Variants in RRAS2 observed in about 807,000 individuals in gnomAD.
RRAS2 encodes the protein RAS related 2, also known as ras-related protein R-Ras2.
Under a neutral mutation model 27.6 loss-of-function variants are expected in RRAS2, and 7 were observed. That is an observed-to-expected ratio of 0.25 (90% CI 0.14 to 0.48). The LOEUF (loss-of-function observed/expected upper bound fraction) is 0.48, where lower values mean the gene tolerates loss of function less well. RRAS2 is among the 20% of genes least tolerant of loss of function. The probability of loss-of-function intolerance (pLI) is 0.99; values close to 1 mark genes in which losing one functional copy is unlikely to be tolerated. For synonymous variants in RRAS2, 86 were observed against 90.9 expected, an observed-to-expected ratio of 0.95 and a Z score of 0.31; for missense variants, 178 against 256.2, an observed-to-expected ratio of 0.69 and a Z score of 2.08.
intron 4 of RRAS2, among the ~76,000 whole-genome samples, chr11:14,289,584 T>A (rs1207127800): frequency 6.6e-6 from 1 of 152,250 alleles, no homozygotes; most frequent in African/African-American, 2.4e-5. Context: ...ACCAGATGGC[T>A]GGTAATACTA....
intron 1 of RRAS2, among the ~76,000 whole-genome samples, chr11:14,337,556 C>A (rs145108461): frequency 1.3e-5 from 2 of 152,188 alleles, no homozygotes; most frequent in East Asian, 1.9e-4. Context: ...TGAGAAAGAC[C>A]GCATTCAGAT....
chr11:14,351,418 G>C (rs1554954764), intron 1 of RRAS2, among the ~76,000 whole-genome samples: 1 of 152,116 alleles, frequency 6.6e-6, no homozygotes, highest in East Asian at 1.9e-4. Flanking sequence ...AGTTAGGTTA[G>C]TATATTTTAT....
chr11:14,328,100 G>T (rs1848402973), intron 1 of RRAS2, among the ~76,000 whole-genome samples: 1 of 152,142 alleles, frequency 6.6e-6, no homozygotes, highest in African/African-American at 2.4e-5. Flanking sequence ...AGGCGCGGTG[G>T]CTCATGCCTA....
intron 1 of RRAS2, among the ~76,000 whole-genome samples, chr11:14,318,129 T>C (rs1170831562): frequency 2.0e-5 from 3 of 152,216 alleles, no homozygotes; most frequent in Non-Finnish European, 4.4e-5. Flanking sequence ...GGCTTTTCTA[T>C]GTGTAAACCC....
chr11:14,346,979 A>AC (rs1331584964), intron 1 of RRAS2, among the ~76,000 whole-genome samples: 5 of 151,992 alleles, frequency 3.3e-5, no homozygotes, highest in African/African-American at 9.7e-5. Flanking sequence ...ACAAAATGAG[A>AC]CCCCATCTCT....
At chr11:14,314,283 G>C (rs1046097982) in intron 1 of RRAS2, among the ~76,000 whole-genome samples, 1 of 152,294 alleles carries the variant, frequency 6.6e-6, no homozygotes, top group African/African-American at 2.4e-5. Context: ...CCTTATAATT[G>C]AAACATACAA....
At chr11:14,315,517 G>C (rs1214820532) in intron 1 of RRAS2, among the ~76,000 whole-genome samples, 1 of 152,202 alleles carries the variant, frequency 6.6e-6, no homozygotes, top group East Asian at 1.9e-4. Context: ...GTGTTATCTT[G>C]ATGGGATCCT....
intron 1 of RRAS2, among the ~76,000 whole-genome samples, chr11:14,356,293 GCATATGACTCCCA>G (rs1401048534): frequency 6.6e-6 from 1 of 152,068 alleles, no homozygotes; most frequent in Admixed American, 6.6e-5. Flanking sequence ...CTCCAAACTA[GCATATGACTCCCA>G]CATATGACAT....
chr11:14,308,802 C>T (rs1847888980), intron 1 of RRAS2, among the ~76,000 whole-genome samples: 1 of 152,158 alleles, frequency 6.6e-6, no homozygotes, highest in African/African-American at 2.4e-5. Context: ...TGCACACAGA[C>T]TCCCCCTTCA....
intron 1 of RRAS2, among the ~76,000 whole-genome samples, chr11:14,356,194 G>C (rs1160098965): frequency 6.6e-6 from 1 of 152,092 alleles, no homozygotes; most frequent in Non-Finnish European, 1.5e-5. Context: ...TCGGGTTCCT[G>C]TCTCTCCAAA....
In RRAS2 at chr11:14,278,004, C is replaced by G. The variant is rs1400893310; in HGVS notation, c.*1333G>C. On this transcript the variant is annotated 3_prime_UTR_variant, in exon 6 of 6. Transcript: ENST00000256196. ...ATAAACTTCATGGGACTGTTGTACA[C>G]ACTTGATAAAGTGACAACTGTGCAA... is the stretch of plus-strand genomic sequence containing the variant. 1 of 152,234 alleles carries G rather than the reference C, an allele frequency of 6.6e-6. No homozygotes were observed. Among genetic ancestry groups the G allele is most frequent in the African/African-American group, 2.4e-5 (1 of 41,462 alleles). The allele number at this position is 152,234 out of a possible 1,614,324, so 9.4% of individuals were successfully genotyped here. A position where few individuals can be genotyped will look rare whatever the true frequency, so the allele number is the denominator to read the frequency against.
chr11:14,303,540 C>T (rs532213616), intron 1 of RRAS2, among the ~76,000 whole-genome samples: 75 of 152,188 alleles, frequency 4.9e-4, no homozygotes, highest in Admixed American at 1.4e-3. Flanking sequence ...AGTTTGAGAC[C>T]GGCCTCAGCG....
chr11:14,320,881 A>T (rs1033074328), intron 1 of RRAS2, among the ~76,000 whole-genome samples: 26 of 152,142 alleles, frequency 1.7e-4, no homozygotes, highest in Non-Finnish European at 3.1e-4. Context: ...ACAACAATTT[A>T]AAAAAATGGT....
At chr11:14,319,621 G>C (rs1305967481) in intron 1 of RRAS2, among the ~76,000 whole-genome samples, 1 of 151,262 alleles carries the variant, frequency 6.6e-6, no homozygotes, top group African/African-American at 2.4e-5. Context: ...GCCTCCCAAA[G>C]TGCTGGGATT....
intron 1 of RRAS2, among the ~76,000 whole-genome samples, chr11:14,308,861 T>C (rs1270598364): frequency 6.6e-6 from 1 of 152,210 alleles, no homozygotes; most frequent in Non-Finnish European, 1.5e-5. Flanking sequence ...CAGACCTACA[T>C]ACCCCGCTTA....
intron 1 of RRAS2, among the ~76,000 whole-genome samples, chr11:14,331,327 T>G (rs184629135): frequency 5.1e-4 from 77 of 152,220 alleles, no homozygotes; most frequent in African/African-American, 1.8e-3. Context: ...ATCTAACATA[T>G]CACAGTAATG....
At chr11:14,364,394 G>C (rs554272748) in exon 1 of RRAS2, 1 of 1,535,822 alleles carries the variant, frequency 6.5e-7, no homozygotes, top group Non-Finnish European at 8.7e-7. Flanking sequence ...TACTTACCAT[G>C]GGTGATGGAG....
chr11:14,359,099 G>A lies in RRAS2; in HGVS notation c.-229C>T, dbSNP rs1197764868. On this transcript the variant is annotated 5_prime_UTR_variant, in exon 1 of 6. Coordinates refer to ENST00000256196, the MANE Select transcript of RRAS2 (RefSeq NM_012250.6). ...CGGGGTGACGGCACGGGCCAGGGGC[G>A]GCAGCGGCCGGGGGGCGCGCTCCTC... is the stretch of plus-strand genomic sequence containing the variant. 9.4e-7 allele frequency: 1 copy of A among 1,068,134 alleles called. No homozygotes were observed. The allele number at this position is 1,068,134 out of a possible 1,614,324, so 66.2% of individuals were successfully genotyped here. A position where few individuals can be genotyped will look rare whatever the true frequency, so the allele number is the denominator to read the frequency against.
chr11:14,314,850 G>A (rs1361116156), intron 1 of RRAS2, among the ~76,000 whole-genome samples: 1 of 152,044 alleles, frequency 6.6e-6, no homozygotes, highest in Non-Finnish European at 1.5e-5. Flanking sequence ...CACTATGCCT[G>A]GCTAATTTTT....
Sources: allele counts gnomAD v4.1 joint callset (sites outside exome capture counted in the v4.1 genomes callset), GRCh38; gene constraint gnomAD v4.1.1; transcripts MANE v1.5; gene names NCBI Gene and HGNC (gene_info 2026-07-23, HGNC 2026-07-21).